The following XPO6 variants were observed in gnomAD, a reference collection of about 807,000 sequenced individuals.
XPO6 encodes the protein exportin-6.
In XPO6, 3 loss-of-function variants were observed where a neutral mutation model predicts 130.0. The observed-to-expected ratio is 0.02, with a 90% confidence interval of 0.01 to 0.06. XPO6 has a LOEUF of 0.06. Among genes scored for constraint, XPO6 ranks in the 10% least tolerant of loss-of-function variants. XPO6 has a pLI of 1.00. For synonymous variants in XPO6, 524 were observed against 548.9 expected (o/e 0.95, Z 0.63); for missense variants, 970 against 1,393.0 (o/e 0.70, Z 4.83).
intron 15 of XPO6, among the ~76,000 whole-genome samples, chr16:28,116,188 G>A (rs979660621): frequency 1.3e-5 from 2 of 152,098 alleles, no homozygotes; most frequent in African/African-American, 2.4e-5. Context: ...CAGGCCGGGC[G>A]CGGTGGCTCA....
chr16:28,160,720 A>G (rs2043264689), intron 6 of XPO6, among the ~76,000 whole-genome samples: 1 of 152,130 alleles, frequency 6.6e-6, no homozygotes, highest in Non-Finnish European at 1.5e-5. Context: ...TTTGGGTTTC[A>G]GAAGTCCTCA....
Position 28,106,292 on chromosome 16 carries a change from T to G in XPO6, c.2613-78A>C, listed in dbSNP as rs556785573. ...GCATGAAAACCCATGCTGTGGCAAG[T>G]GCAGAACAGGAGCAAAAAGCCACAC... On this transcript the variant is annotated intron_variant, in intron 19 of 23. Transcript: ENST00000304658. The surrounding 1 kb of genome is among the most constrained non-coding windows in gnomAD (Gnocchi z 4.2). The G allele has an allele frequency of 1.2e-6, 2 of 1,608,356 alleles. No homozygotes were observed. Among genetic ancestry groups the G allele is most frequent in the East Asian group, 4.5e-5 (2 of 44,788 alleles).
chr16:28,155,802 A>G (rs2043174672), intron 7 of XPO6: 5 of 640,750 alleles, frequency 7.8e-6, no homozygotes, highest in Non-Finnish European at 1.1e-5. Flanking sequence ...AAAGGGGGCA[A>G]GAGGAGTAGA....
chr16:28,161,046 G>GC (rs973741418), intron 6 of XPO6, among the ~76,000 whole-genome samples: 1 of 152,178 alleles, frequency 6.6e-6, no homozygotes, highest in African/African-American at 2.4e-5. Flanking sequence ...TGAAGAAAAT[G>GC]CAACTCCACA....
chr16:28,183,305 A>C (rs1265981163), intron 1 of XPO6: 1 of 152,216 alleles, frequency 6.6e-6, no homozygotes, highest in East Asian at 1.9e-4. Context: ...AGTACTCCTA[A>C]GAATCCCAGA....
chr16:28,149,848 A>G (rs546007711), intron 8 of XPO6, among the ~76,000 whole-genome samples: 1 of 152,374 alleles, frequency 6.6e-6, no homozygotes, highest in East Asian at 1.9e-4. Context: ...ATATATTTAT[A>G]TAACCCTCTA....
Position 28,117,456 on chromosome 16 carries a change from A to G in XPO6, c.1866T>C (p.Ala622=). The change falls in exon 15 of 24, where the codon GCT becomes GCC. Residue 622 remains alanine, a synonymous_variant. Transcript: ENST00000304658. ...AAGCCTGCAGCGCAGCCAGGGACTGAGCATGCCTGCAGAAAGAAAAGAAGA... is the reference window on the plus strand; with the variant it reads ...AAGCCTGCAGCGCAGCCAGGGACTGGGCATGCCTGCAGAAAGAAAAGAAGA... ...VLKPDLIDVH[A]QSLAALQAYS... The G allele has an allele frequency of 1.2e-6, 2 of 1,613,144 alleles. No homozygotes were observed. The highest frequency in any genetic ancestry group is 1.7e-6 in the Non-Finnish European group (2 of 1,179,134).
intron 6 of XPO6, among the ~76,000 whole-genome samples, chr16:28,157,811 T>C (rs1167086362): frequency 6.6e-6 from 1 of 152,196 alleles, no homozygotes; most frequent in African/African-American, 2.4e-5. Context: ...CACAAGGCGG[T>C]GCAGGAAGAA....
intron 1 of XPO6, among the ~76,000 whole-genome samples, chr16:28,195,228 A>AT (rs1195492330): frequency 1.3e-5 from 2 of 151,890 alleles, no homozygotes; most frequent in South Asian, 2.1e-4. Flanking sequence ...ACTTTTGGTG[A>AT]TTTTTCCTCC....
intron 1 of XPO6, among the ~76,000 whole-genome samples, chr16:28,192,482 C>T (rs2043803049): frequency 6.6e-6 from 1 of 152,044 alleles, no homozygotes; most frequent in East Asian, 1.9e-4. Context: ...GTTGGCCTTG[C>T]CACCCGCCTC....
At chr16:28,109,581 A>G (rs1369117663) in intron 17 of XPO6, among the ~76,000 whole-genome samples, 1 of 152,234 alleles carries the variant, frequency 6.6e-6, no homozygotes, top group East Asian at 1.9e-4. Context: ...CAACCTATGG[A>G]AACAATCAGG....
intron 16 of XPO6, 52 bp from the exon 17 acceptor site, chr16:28,112,058 T>A (rs2141248547): frequency 6.4e-7 from 1 of 1,553,162 alleles, no homozygotes; most frequent in Non-Finnish European, 8.7e-7. Context: ...AAGACCGTGG[T>A]GCGGCATGCC....
chr16:28,195,582 G>A (rs2043845875), intron 1 of XPO6, among the ~76,000 whole-genome samples: 3 of 152,042 alleles, frequency 2.0e-5, no homozygotes, highest in Non-Finnish European at 2.9e-5. Flanking sequence ...GTGAAACCTC[G>A]TCTTTACTAA....
intron 17 of XPO6, among the ~76,000 whole-genome samples, chr16:28,109,869 G>C (rs1410900367): frequency 2.0e-5 from 3 of 152,156 alleles, no homozygotes; most frequent in African/African-American, 7.2e-5. Flanking sequence ...TAGATACAAA[G>C]GTTAAGTAGT....
Position 28,183,363 on chromosome 16 carries a change from C to CAGT in XPO6, c.4-2335_4-2333dup, listed in dbSNP as rs1422627754. ...GTTATCTCACTGGACTGTTTGCAGT[C>CAGT]AGTTACAGATCCAACTCCTTGTTCT... On this transcript the variant is annotated intron_variant, in intron 1 of 23. Transcript: ENST00000304658. The CAGT allele has an allele frequency of 2.0e-5, 3 of 148,558 alleles. No homozygotes were observed. In the Admixed American group the frequency reaches 2.0e-4, roughly 10 times the overall value. 9.2% of individuals were successfully genotyped at this position (148,558 alleles called of 1,614,324 possible).
chr16:28,108,729 C>T (rs1263885533), intron 17 of XPO6, among the ~76,000 whole-genome samples: 1 of 152,180 alleles, frequency 6.6e-6, no homozygotes, highest in Non-Finnish European at 1.5e-5. Context: ...TCTCTGGGTC[C>T]CCCGAACCCC....
chr16:28,117,154 T>C, intron 15 of XPO6, 164 bp downstream of exon 15: 1 of 899,564 alleles, frequency 1.1e-6, no homozygotes, highest in African/African-American at 1.7e-5. Flanking sequence ...TGAATGCATG[T>C]AGGCTACAAC....
At chr16:28,153,669 A>T (rs1322352705) in intron 7 of XPO6, 1 of 985,466 alleles carries the variant, frequency 1.0e-6, no homozygotes, top group Non-Finnish European at 1.2e-6. Context: ...CCAAAAGGTG[A>T]TTAGAAAATG....
At chr16:28,180,358 C>T (rs1456062502) in intron 2 of XPO6, among the ~76,000 whole-genome samples, 2 of 151,806 alleles carry the variant, frequency 1.3e-5, no homozygotes, top group African/African-American at 2.4e-5. Flanking sequence ...AATGAGACGC[C>T]GTCTCAAAAA....
Sources: allele counts gnomAD v4.1 joint callset (sites outside exome capture counted in the v4.1 genomes callset), GRCh38; gene constraint gnomAD v4.1.1; non-coding constraint Gnocchi (gnomAD v3.1); transcripts MANE v1.5; gene names NCBI Gene and HGNC (gene_info 2026-07-23, HGNC 2026-07-21).